The following ARL15 variants were observed in gnomAD, a reference collection of about 807,000 sequenced individuals.
The protein encoded by ARL15 is ARF like GTPase 15.
Under a neutral mutation model 25.2 loss-of-function variants are expected in ARL15, and 19 were observed. That is an observed-to-expected ratio of 0.75 (90% CI 0.53 to 1.10). ARL15 has a LOEUF of 1.10. Ranked by LOEUF, ARL15 falls within the 50% of genes least tolerant of loss-of-function variation. The pLI, the probability that ARL15 is intolerant of heterozygous loss-of-function variation, is 0.00. For synonymous variants in ARL15, 94 were observed against 86.8 expected (o/e 1.08, Z -0.46); for missense variants, 220 against 246.0 (o/e 0.89, Z 0.71).
chr5:54,113,890 CCTTGTT>C (rs1752815529), intron 3 of ARL15, among the ~76,000 whole-genome samples: 1 of 152,062 alleles, frequency 6.6e-6, no homozygotes, highest in Admixed American at 6.6e-5. Flanking sequence ...ATCAGGACAG[CCTTGTT>C]TAATTTCACC....
At chr5:54,185,572 C>T (rs750186925) in intron 1 of ARL15, among the ~76,000 whole-genome samples, 5 of 152,106 alleles carry the variant, frequency 3.3e-5, no homozygotes, top group African/African-American at 1.2e-4. Context: ...CAGTGATGTG[C>T]GTGGCTATGA....
intron 1 of ARL15, among the ~76,000 whole-genome samples, chr5:54,239,337 T>G (rs1756893568): frequency 6.6e-6 from 1 of 152,060 alleles, no homozygotes; most frequent in Non-Finnish European, 1.5e-5. Context: ...AAGTAAAATA[T>G]TGGTATGTAT....
intron 4 of ARL15, among the ~76,000 whole-genome samples, chr5:54,060,534 G>A (rs1302696916): frequency 2.0e-5 from 3 of 152,192 alleles, no homozygotes; most frequent in African/African-American, 7.2e-5. Context: ...CGTAAGATGT[G>A]ACTTGCTCCC....
intron 3 of ARL15, among the ~76,000 whole-genome samples, chr5:54,139,219 T>G (rs1407092732): frequency 6.6e-6 from 1 of 152,134 alleles, no homozygotes; most frequent in African/African-American, 2.4e-5. Flanking sequence ...TACACACATG[T>G]TTATCACAGC....
chr5:54,246,418 TG>T (rs1757086918), intron 1 of ARL15, among the ~76,000 whole-genome samples: 1 of 152,142 alleles, frequency 6.6e-6, no homozygotes, highest in Admixed American at 6.5e-5. Context: ...ACAGAAACTA[TG>T]TGTTGTACAA....
chr5:54,014,848 T>A (rs1003275835), intron 4 of ARL15, among the ~76,000 whole-genome samples: 1 of 152,088 alleles, frequency 6.6e-6, no homozygotes, highest in African/African-American at 2.4e-5. Context: ...TTAGGGTGTA[T>A]GTAATCACTC....
At chr5:54,014,314 G>A (rs1385012588) in intron 4 of ARL15, among the ~76,000 whole-genome samples, 2 of 152,086 alleles carry the variant, frequency 1.3e-5, no homozygotes, top group African/African-American at 4.8e-5. Context: ...GAGAACAACT[G>A]TTTTTCTTCT....
intron 1 of ARL15, among the ~76,000 whole-genome samples, chr5:54,212,419 C>T (rs973142326): frequency 6.6e-6 from 1 of 152,052 alleles, no homozygotes; most frequent in Non-Finnish European, 1.5e-5. Flanking sequence ...CAAAAACTTT[C>T]CCCACAGAAC....
chr5:54,043,582 T>C (rs1447761705), intron 4 of ARL15, among the ~76,000 whole-genome samples: 1 of 152,114 alleles, frequency 6.6e-6, no homozygotes, highest in Non-Finnish European at 1.5e-5. Context: ...AGATACATGA[T>C]GATAGAAGTC....
intron 3 of ARL15, among the ~76,000 whole-genome samples, chr5:54,130,722 T>C (rs1753401367): frequency 6.6e-6 from 1 of 152,062 alleles, no homozygotes; most frequent in African/African-American, 2.4e-5. Flanking sequence ...ACCTGGGAAA[T>C]ATAGAATTGA....
intron 3 of ARL15, among the ~76,000 whole-genome samples, chr5:54,132,051 T>A (rs1170111196): frequency 6.6e-6 from 1 of 152,134 alleles, no homozygotes; most frequent in Non-Finnish European, 1.5e-5. Context: ...CATGGTTCCA[T>A]AAGGTGATAA....
intron 4 of ARL15, among the ~76,000 whole-genome samples, chr5:53,940,036 A>T (rs1051909095): frequency 9.4e-5 from 14 of 149,212 alleles, no homozygotes; most frequent in African/African-American, 1.5e-4. Context: ...TGGAGTGCAG[A>T]GGCGCGATCT....
At chr5:53,917,898 G>A (rs62372392) in intron 4 of ARL15, among the ~76,000 whole-genome samples, 322 of 152,232 alleles carry the variant, frequency 2.1e-3, no homozygotes, top group Non-Finnish European at 3.5e-3. Context: ...TCCTTAAAAC[G>A]CTTTTGGTAA....
chr5:54,160,648 A>G (rs949891541), intron 2 of ARL15, among the ~76,000 whole-genome samples: 1 of 152,226 alleles, frequency 6.6e-6, no homozygotes, highest in African/African-American at 2.4e-5. Context: ...CCTCACCAAC[A>G]GGTCCTGCTC....
At chr5:53,951,542 A>G (rs927987468) in intron 4 of ARL15, 7 of 470,902 alleles carry the variant, frequency 1.5e-5, no homozygotes, top group Non-Finnish European at 3.1e-5. Context: ...TGTTCTTTAG[A>G]TCACACAAAT....
At chr5:54,269,841 G>T (rs1757734679) in intron 1 of ARL15, among the ~76,000 whole-genome samples, 1 of 152,036 alleles carries the variant, frequency 6.6e-6, no homozygotes, top group Non-Finnish European at 1.5e-5. Context: ...GAGACAGGGT[G>T]TCACTATGTT....
chr5:54,281,663 C>T (rs1158172243), intron 1 of ARL15, among the ~76,000 whole-genome samples: 1 of 152,176 alleles, frequency 6.6e-6, no homozygotes, highest in African/African-American at 2.4e-5. Flanking sequence ...AAAGTCACCC[C>T]TTGTTGAGAA....
intron 1 of ARL15, among the ~76,000 whole-genome samples, chr5:54,178,023 C>T (rs1227842663): frequency 3.9e-5 from 6 of 152,178 alleles, no homozygotes; most frequent in Non-Finnish European, 8.8e-5. Flanking sequence ...GACACAAAGA[C>T]ATATCCATTC....
intron 3 of ARL15, among the ~76,000 whole-genome samples, chr5:54,147,036 C>T (rs552865274): frequency 6.6e-6 from 1 of 152,208 alleles, no homozygotes; most frequent in East Asian, 1.9e-4. Flanking sequence ...ACACCACCAC[C>T]CTGGGATCCT....
Sources: allele counts gnomAD v4.1 joint callset (sites outside exome capture counted in the v4.1 genomes callset), GRCh38; gene constraint gnomAD v4.1.1; transcripts MANE v1.5; gene names NCBI Gene and HGNC (gene_info 2026-07-23, HGNC 2026-07-21).